Variants in HERC2 observed in about 807,000 individuals in gnomAD.
HERC2 encodes the protein E3 ubiquitin-protein ligase HERC2.
A neutral mutation model predicts 537.7 loss-of-function variants in HERC2; 102 were observed. The ratio of observed to expected loss-of-function variants is 0.19; its 90% CI spans 0.16 to 0.22. The LOEUF is 0.22. HERC2 is among the 10% of genes least tolerant of loss of function. The pLI is 1.00. For missense variants in HERC2, 4,236 were observed against 6,198.2 expected, an observed-to-expected ratio of 0.68 and a Z score of 10.63; for synonymous variants, 2,224 against 2,466.2, an observed-to-expected ratio of 0.90 and a Z score of 2.91.
At chr15:28,263,532 T>A (rs1226752494) in intron 14 of HERC2, among the ~76,000 whole-genome samples, 1 of 152,170 alleles carries the variant, frequency 6.6e-6, no homozygotes, top group African/African-American at 2.4e-5. Context: ...ACCCTCCCGT[T>A]TGCCTGCCTG....
intron 83 of HERC2, among the ~76,000 whole-genome samples, chr15:28,127,576 C>T (rs1028815118): frequency 2.6e-5 from 4 of 152,134 alleles, no homozygotes; most frequent in Non-Finnish European, 4.4e-5. Context: ...GGAGCGGTGA[C>T]GCCTCAATAG....
In HERC2 at chr15:28,125,200, GA is replaced by G. The variant is rs1566918668; in HGVS notation, c.12803-8del. The G allele has an allele frequency of 6.3e-7, 1 of 1,599,302 alleles. No homozygotes were observed. The highest frequency in any genetic ancestry group is 8.6e-7 in the Non-Finnish European group (1 of 1,167,264). On this transcript the variant is annotated splice_polypyrimidine_tract_variant and splice_region_variant and intron_variant, in intron 83 of 92. Transcript: ENST00000261609. ...CCCCATGTATAAACCTCACCTGAAT[GA>G]AGTGAATTTAGAATCAGAACCTGTA...
At chr15:28,201,007 G>C (rs1567004155) in intron 48 of HERC2, among the ~76,000 whole-genome samples, 1 of 147,200 alleles carries the variant, frequency 6.8e-6, no homozygotes, top group Non-Finnish European at 1.5e-5. Context: ...AGTGTCACAA[G>C]TGGGGCTAGT....
At chr15:28,138,812 C>T (rs568358804) in intron 78 of HERC2, among the ~76,000 whole-genome samples, 1 of 152,316 alleles carries the variant, frequency 6.6e-6, no homozygotes, top group South Asian at 2.1e-4. Context: ...ATTCCTCTAA[C>T]GGATGTGGAC....
intron 70 of HERC2, among the ~76,000 whole-genome samples, chr15:28,149,826 A>G (rs190807390): frequency 1.1e-3 from 165 of 152,252 alleles, no homozygotes; most frequent in African/African-American, 3.9e-3. Context: ...TCTAACCAAG[A>G]ACATCGCCGA....
chr15:28,318,508 G>A (rs2077149771), intron 2 of HERC2, among the ~76,000 whole-genome samples: 2 of 152,054 alleles, frequency 1.3e-5, no homozygotes, highest in Admixed American at 1.3e-4. Context: ...GACACCCGTA[G>A]TCCCAGCTAC....
intron 5 of HERC2, among the ~76,000 whole-genome samples, chr15:28,278,417 C>T (rs1454724116): frequency 6.6e-6 from 1 of 152,120 alleles, no homozygotes; most frequent in South Asian, 2.1e-4. Flanking sequence ...ATTACTATAA[C>T]ACCCAATACA....
intron 82 of HERC2, 97 bp from the exon 83 acceptor site, chr15:28,130,399 C>T: frequency 2.5e-6 from 4 of 1,591,572 alleles, no homozygotes; most frequent in Non-Finnish European, 3.4e-6. Flanking sequence ...AGGACACAAC[C>T]ATAGCCTGCT....
chr15:28,136,032 T>G (rs2142196222), intron 78 of HERC2, among the ~76,000 whole-genome samples: 1 of 151,746 alleles, frequency 6.6e-6, no homozygotes, highest in Non-Finnish European at 1.5e-5. Flanking sequence ...TATGCAAAAC[T>G]CTGACAATAA....
Position 28,215,720 on chromosome 15 carries a change from C to T in HERC2, c.6111G>A (p.Pro2037=), listed in dbSNP as rs768101033. 12 of 1,611,886 alleles carry T rather than the reference C, an allele frequency of 7.4e-6. No homozygotes were observed. Among genetic ancestry groups the T allele is most frequent in the Non-Finnish European group, 8.5e-6 (10 of 1,179,836 alleles). The part of the protein sequence containing the change: ...LGFVRSIALT[P]QVCGALSSPQ... ...GGGAGCTGAGGGCGCCGCATACCTG[C>T]GGCGTGAGAGCGATGCTCCGCACAA... The change falls in exon 39 of 93, where the codon CCG becomes CCA. Residue 2037 remains proline (P), a synonymous_variant. Coordinates refer to ENST00000261609, the MANE Select transcript of HERC2 (RefSeq NM_004667.6).
At chr15:28,294,502 T>G (rs1332749578) in intron 3 of HERC2, among the ~76,000 whole-genome samples, 2 of 149,262 alleles carry the variant, frequency 1.3e-5, no homozygotes, top group Non-Finnish European at 3.0e-5. Context: ...GCCTTGACAT[T>G]GGTAAAATCA....
At chr15:28,142,712 A>G in intron 75 of HERC2, 115 bp downstream of exon 75, 2 of 1,118,808 alleles carry the variant, frequency 1.8e-6, no homozygotes, top group Non-Finnish European at 2.6e-6. Flanking sequence ...TGACTTCAGC[A>G]ATACCTACAG....
rs1895562680 is a variant in HERC2 at position 28,178,981 on chromosome 15, C to T, written c.9069G>A (p.Arg3023=). 1.2e-6 allele frequency: 2 copies of T among 1,614,246 alleles called. No homozygotes were observed. The highest frequency in any genetic ancestry group is 8.5e-7 in the Non-Finnish European group (1 of 1,180,054). Residue 3023 remains arginine, a synonymous_variant, in exon 59 of 93, where the codon CGG becomes CGA. Coordinates refer to ENST00000261609, the MANE Select transcript of HERC2 (RefSeq NM_004667.6). ...VYACGEATNG[R]LGLGISSGTV... ...TCCCGCTGGAAATGCCCAGCCCCAGCCGGCCATTCGTGGCTTCTCCACAGG... is the reference window on the plus strand; with the variant it reads ...TCCCGCTGGAAATGCCCAGCCCCAGTCGGCCATTCGTGGCTTCTCCACAGG...
rs774687590 is a variant in HERC2 at position 28,265,743 on chromosome 15, T to C, written c.1757-12A>G. The C allele has an allele frequency of 5.6e-6, 9 of 1,613,834 alleles. No individual in the cohort carries two copies. The Admixed American group carries it at 1.2e-4, about 21-fold the overall frequency. Reference sequence around the variant, plus strand: ...GTCCTCACTGGAGCCTTCAAACAGATAGGACGGCGGTTACTAAGTCCTGTA... The same window carrying C: ...GTCCTCACTGGAGCCTTCAAACAGACAGGACGGCGGTTACTAAGTCCTGTA... On this transcript the variant is annotated splice_polypyrimidine_tract_variant and intron_variant, in intron 13 of 92. Transcript: ENST00000261609. The surrounding 1 kb of genome is among the most constrained non-coding windows in gnomAD (Gnocchi z 4.0).
intron 92 of HERC2, 98 bp downstream of exon 92, chr15:28,112,973 G>T (rs1426932559): frequency 1.5e-5 from 13 of 894,390 alleles, no homozygotes; most frequent in Non-Finnish European, 1.9e-5. Flanking sequence ...GACTCAAGAG[G>T]CTCGTTTTCC....
rs771857121 is a variant in HERC2 at position 28,124,214 on chromosome 15, G to T, written c.13011C>A (p.His4337Gln). 3 of 1,515,418 alleles carry T rather than the reference G, an allele frequency of 2.0e-6. No homozygotes were observed. In the Admixed American group the frequency reaches 6.2e-5, roughly 31 times the overall value. The allele number at this position is 1,515,418 out of a possible 1,614,324, so 93.9% of individuals were successfully genotyped here. Residue 4337 changes from histidine to glutamine, a missense_variant, in exon 85 of 93, where the codon CAC becomes CAA. By Grantham distance (24) the His-to-Gln change is conservative (BLOSUM62 0). Around this residue, in one of 27 missense-constraint regions of HERC2, gnomAD observed 189 missense variants for 255.7 expected, o/e 0.74. Transcript: ENST00000261609. ...LPAQVPMEYN[H>Q]LQEIPIIALR... Reference sequence around the variant, plus strand: ...GCGCAATGATGGGGATCTCCTGCAGGTGATTGTACTCCATGGGGACCTAGA... The same window carrying T: ...GCGCAATGATGGGGATCTCCTGCAGTTGATTGTACTCCATGGGGACCTAGA...
At chr15:28,270,587 C>T in intron 10 of HERC2, 108 bp downstream of exon 10, 2 of 1,067,270 alleles carry the variant, frequency 1.9e-6, no homozygotes, top group Non-Finnish European at 2.8e-6. Flanking sequence ...CAGGCCAGCT[C>T]CCCCTACCAA....
At chr15:28,232,463 C>T (rs1034879398) in intron 30 of HERC2, among the ~76,000 whole-genome samples, 29 of 151,546 alleles carry the variant, frequency 1.9e-4, no homozygotes, top group African/African-American at 6.8e-4. Flanking sequence ...GCAGGGGAAT[C>T]GTTTGAACCT....
chr15:28,304,050 C>T (rs1336841288), intron 2 of HERC2, among the ~76,000 whole-genome samples: 2 of 151,460 alleles, frequency 1.3e-5, no homozygotes, highest in African/African-American at 2.4e-5. Flanking sequence ...CCTGTAATGC[C>T]AGCTACTCAG....
Sources: allele counts gnomAD v4.1 joint callset (sites outside exome capture counted in the v4.1 genomes callset), GRCh38; gene constraint gnomAD v4.1.1; regional missense constraint gnomAD v4.1.1; non-coding constraint Gnocchi (gnomAD v3.1); transcripts MANE v1.5; gene names NCBI Gene and HGNC (gene_info 2026-07-23, HGNC 2026-07-21).